Variants in ATF3 observed in about 807,000 individuals in gnomAD.
ATF3 encodes the protein activating transcription factor 3.
Under a neutral mutation model 18.4 loss-of-function variants are expected in ATF3, and 10 were observed. The ratio of observed to expected loss-of-function variants is 0.54; its 90% CI spans 0.34 to 0.92. The LOEUF (loss-of-function observed/expected upper bound fraction) is 0.92, where lower values mean the gene tolerates loss of function less well. Ranked by LOEUF, ATF3 falls within the 40% of genes least tolerant of loss-of-function variation. The probability of loss-of-function intolerance (pLI) is 0.02; values close to 1 mark genes in which losing one functional copy is unlikely to be tolerated. For synonymous variants in ATF3, 78 were observed against 87.9 expected, an observed-to-expected ratio of 0.89 and a Z score of 0.63; for missense variants, 183 against 222.3, an observed-to-expected ratio of 0.82 and a Z score of 1.12.
chr1:212,601,626 T>A (rs1158525462), intron 1 of ATF3, among the ~76,000 whole-genome samples: 2 of 152,220 alleles, frequency 1.3e-5, no homozygotes, highest in Non-Finnish European at 2.9e-5. Context: ...CACAGGTTAT[T>A]ATAAGGATGA....
At chr1:212,570,237 C>T (rs72756332) in intron 1 of ATF3, among the ~76,000 whole-genome samples, 13,834 of 152,088 alleles carry the variant, frequency 0.091, 1,414 homozygotes, top group African/African-American at 0.26. Flanking sequence ...AGATTTAAAG[C>T]AATCGAATCT....
chr1:212,572,416 C>G (rs1664501776), intron 1 of ATF3, among the ~76,000 whole-genome samples: 1 of 109,436 alleles, frequency 9.1e-6, no homozygotes. Context: ...ACTCAGGAGG[C>G]TGAGGCAGAG....
chr1:212,590,598 G>A (rs993049112), intron 1 of ATF3, among the ~76,000 whole-genome samples: 2 of 151,920 alleles, frequency 1.3e-5, no homozygotes, highest in Admixed American at 6.6e-5. Flanking sequence ...CTTTTATCTC[G>A]TGCATATATT....
intron 1 of ATF3, among the ~76,000 whole-genome samples, chr1:212,609,379 G>T (rs932218550): frequency 3.6e-5 from 5 of 137,098 alleles, no homozygotes; most frequent in South Asian, 2.5e-4. Context: ...CCCGGGTGGG[G>T]GGGGGGGGGC....
chr1:212,606,725 C>T (rs1011146601), upstream of ATF3, among the ~76,000 whole-genome samples: 7 of 152,238 alleles, frequency 4.6e-5, no homozygotes, highest in East Asian at 1.3e-3. Context: ...GCTATTTATT[C>T]CAGAACAATC....
At chr1:212,598,014 T>C (rs75677755) in intron 1 of ATF3, among the ~76,000 whole-genome samples, 11,184 of 152,206 alleles carry the variant, frequency 0.073, 460 homozygotes, top group Middle Eastern at 0.13. Context: ...ATGGCAGGAC[T>C]GGAAAAAAGT....
At position 212,619,981 on chromosome 1, in the gene ATF3, A is replaced by G; in HGVS notation, c.*426A>G. 1.2e-5 allele frequency: 3 copies of G among 244,952 alleles called. No individual in the cohort carries two copies. The highest frequency in any genetic ancestry group is 2.4e-5 in the Non-Finnish European group (3 of 122,558). 15.2% of individuals were successfully genotyped at this position (244,952 alleles called of 1,614,324 possible). The stretch of plus-strand genomic sequence containing the variant: ...CACTCGTAGGGGATGTGGAGTGAGA[A>G]CAGCATTTAGTGAAGTTGTGCAACG... On this transcript the variant is annotated 3_prime_UTR_variant, in exon 4 of 4. Transcript: ENST00000341491. The surrounding 1 kb of genome is among the most constrained non-coding windows in gnomAD (Gnocchi z 4.4).
intron 1 of ATF3, among the ~76,000 whole-genome samples, chr1:212,599,841 A>C (rs1176586015): frequency 6.6e-6 from 1 of 152,134 alleles, no homozygotes; most frequent in Non-Finnish European, 1.5e-5. Context: ...GAAGTTTCCC[A>C]AAATCATCCC....
chr1:212,580,092 A>G (rs1664652977), intron 1 of ATF3, among the ~76,000 whole-genome samples: 1 of 149,954 alleles, frequency 6.7e-6, no homozygotes, highest in Admixed American at 6.7e-5. Context: ...TGGGAGGCGG[A>G]GCTTGCAGTG....
Position 212,618,601 on chromosome 1 carries a change from A to G in ATF3, c.348+367A>G, listed in dbSNP as rs1205672803. 2.5e-6 allele frequency: 1 copy of G among 394,340 alleles called. No individual in the cohort carries two copies. Among genetic ancestry groups the G allele is most frequent in the Non-Finnish European group, 4.7e-6 (1 of 212,094 alleles). 24.4% of individuals were successfully genotyped at this position (394,340 alleles called of 1,614,324 possible). A position where few individuals can be genotyped will look rare whatever the true frequency, so the allele number is the denominator to read the frequency against. On this transcript the variant is annotated intron_variant, in intron 3 of 3. Coordinates refer to ENST00000341491, the MANE Select transcript of ATF3 (RefSeq NM_001674.4). This position sits in a 1 kb window ranked among gnomAD's most constrained non-coding sequence, Gnocchi z 4.4. Reference sequence around the variant, plus strand: ...GCTGCCAGCTCTCATTTGGCTCACTATGAAAAGCCTTTAATTAATCTCTTC... The same window carrying G: ...GCTGCCAGCTCTCATTTGGCTCACTGTGAAAAGCCTTTAATTAATCTCTTC...
At chr1:212,575,522 T>G (rs1664562781) in intron 1 of ATF3, among the ~76,000 whole-genome samples, 1 of 152,144 alleles carries the variant, frequency 6.6e-6, no homozygotes, top group Non-Finnish European at 1.5e-5. Flanking sequence ...TTGTTTTATA[T>G]TACATCAGTT....
At chr1:212,576,716 C>CTTTTTTTTTTTTTTTTTTTTT (rs761124416) in intron 1 of ATF3, among the ~76,000 whole-genome samples, 3 of 78,248 alleles carry the variant, frequency 3.8e-5, no homozygotes, top group African/African-American at 1.5e-4. Context: ...CTTTTCTTTT[C>CTTTTTTTTTTTTTTTTTTTTT]TTTTCTTTTT....
At chr1:212,602,375 A>G (rs1474677003) in intron 1 of ATF3, among the ~76,000 whole-genome samples, 4 of 152,174 alleles carry the variant, frequency 2.6e-5, no homozygotes, top group African/African-American at 9.7e-5. Flanking sequence ...ATGGCTGCTA[A>G]GGTTCCTTTC....
intron 1 of ATF3, chr1:212,613,623 C>G (rs1571790155): frequency 6.6e-6 from 1 of 152,208 alleles, no homozygotes; most frequent in African/African-American, 2.4e-5. Flanking sequence ...CTTAAATGTT[C>G]GAGACTTGCC....
At chr1:212,607,022 G>T (rs911278152), upstream of ATF3, among the ~76,000 whole-genome samples, 1 of 152,066 alleles carries the variant, frequency 6.6e-6, no homozygotes, top group African/African-American at 2.4e-5. Context: ...ATCGGTTCAG[G>T]TCCAGAGCAG....
intron 1 of ATF3, among the ~76,000 whole-genome samples, chr1:212,603,132 A>G (rs962591082): frequency 1.3e-5 from 2 of 152,174 alleles, no homozygotes; most frequent in Non-Finnish European, 1.5e-5. Flanking sequence ...TCAGGTGCAG[A>G]CTGAAGTGAC....
At chr1:212,571,865 C>G (rs919168424) in intron 1 of ATF3, among the ~76,000 whole-genome samples, 2 of 151,970 alleles carry the variant, frequency 1.3e-5, no homozygotes, top group African/African-American at 4.8e-5. Context: ...GAGCCCGCCA[C>G]CAGGCCCGGC....
intron 1 of ATF3, among the ~76,000 whole-genome samples, chr1:212,584,905 G>GGCAGGCT (rs1664749998): frequency 6.6e-6 from 1 of 152,204 alleles, no homozygotes; most frequent in East Asian, 1.9e-4. Flanking sequence ...CAGGGCCCCA[G>GGCAGGCT]GCAGGCTTTG....
chr1:212,611,903 C>A (rs1654909088), intron 1 of ATF3, among the ~76,000 whole-genome samples: 1 of 152,166 alleles, frequency 6.6e-6, no homozygotes, highest in African/African-American at 2.4e-5. Flanking sequence ...ATTTTATGAT[C>A]AGCATAGAAA....
Sources: gnomAD v4.1 joint callset for allele counts (sites outside exome capture counted in the v4.1 genomes callset) on GRCh38, gnomAD v4.1.1 for gene constraint, Gnocchi (gnomAD v3.1) non-coding constraint, MANE v1.5 for transcripts, NCBI Gene and HGNC (gene_info 2026-07-23, HGNC 2026-07-21) for gene names.